GNE: variants seen among roughly 807,000 people sequenced by gnomAD.
GNE encodes the protein bifunctional UDP-N-acetylglucosamine 2-epimerase/N-acetylmannosamine kinase.
A neutral mutation model predicts 61.8 loss-of-function variants in GNE; 41 were observed. The ratio of observed to expected loss-of-function variants is 0.66; its 90% confidence interval spans 0.52 to 0.86. GNE has a LOEUF of 0.86. GNE is among the 40% of genes least tolerant of loss of function. GNE has a pLI of 0.00. For missense variants in GNE, 608 were observed against 909.1 expected, an observed-to-expected ratio of 0.67 and a Z score of 4.26; for synonymous variants, 264 against 326.4, an observed-to-expected ratio of 0.81 and a Z score of 2.06.
chr9:36,217,327 G>T lies in GNE; in HGVS notation c.*38C>A. Reference sequence around the variant, plus strand: ...AAGACAAGAACTTGATTCCACTCAGGAGCTCTGGAGAGAAGGTCCATGTCT... The same window carrying T: ...AAGACAAGAACTTGATTCCACTCAGTAGCTCTGGAGAGAAGGTCCATGTCT... On this transcript the variant is annotated 3_prime_UTR_variant, in exon 12 of 12. Coordinates refer to ENST00000642385, the MANE Select transcript of GNE (RefSeq NM_005476.7). The T allele has an allele frequency of 7.5e-7, 1 of 1,333,846 alleles. No individual in the cohort carries two copies. 82.6% of individuals were successfully genotyped at this position (1,333,846 alleles called of 1,614,324 possible).
Position 36,218,262 on chromosome 9 carries a change from T to A in GNE, c.1854A>T (p.Lys618Asn). 6.2e-7 allele frequency: 1 copy of A among 1,614,058 alleles called. No individual in the cohort carries two copies. Among genetic ancestry groups the A allele is most frequent in the Non-Finnish European group, 8.5e-7 (1 of 1,179,938 alleles). Residue 618 changes from lysine to asparagine, a missense_variant, in exon 11 of 12, where the codon AAA (lysine) becomes AAT (asparagine). Physicochemically the swap from Lys to Asn is moderately conservative, Grantham distance 94 (BLOSUM62 0). Transcript: ENST00000642385. This position sits in a 1 kb window ranked among gnomAD's most constrained non-coding sequence, Gnocchi z 4.1. ...LLLVEGMSVP[K>N]DEAVGALHLI... ...GATGGAGCGCACCCACAGCCTCATC[T>A]TTTGGCACTGACATCCCTTCCACCA... is the stretch of plus-strand genomic sequence containing the variant.
At chr9:36,221,021 C>CTAAA (rs1554658650) in intron 9 of GNE, among the ~76,000 whole-genome samples, 1 of 152,192 alleles carries the variant, frequency 6.6e-6, no homozygotes, top group Non-Finnish European at 1.5e-5. Flanking sequence ...TGAGCATGAG[C>CTAAA]TAAAGTACAT....
intron 10 of GNE, among the ~76,000 whole-genome samples, chr9:36,219,224 T>C (rs1828473878): frequency 6.6e-6 from 1 of 152,124 alleles, no homozygotes; most frequent in African/African-American, 2.4e-5. Flanking sequence ...CACCAGGCAG[T>C]GATCCCCTAC....
intron 1 of GNE, among the ~76,000 whole-genome samples, chr9:36,256,853 C>G (rs1032890075): frequency 6.6e-6 from 1 of 152,144 alleles, no homozygotes; most frequent in East Asian, 1.9e-4. Flanking sequence ...TCGTATTAGC[C>G]GCGTTTTACA....
chr9:36,267,580 T>C (rs1168742419), intron 1 of GNE, among the ~76,000 whole-genome samples: 7 of 151,894 alleles, frequency 4.6e-5, no homozygotes, highest in Non-Finnish European at 7.4e-5. Context: ...CCTGTAATCC[T>C]AGCTACTCGG....
chr9:36,265,092 C>G (rs778558546), intron 1 of GNE: 5 of 308,988 alleles, frequency 1.6e-5, no homozygotes, highest in Admixed American at 4.0e-5. Flanking sequence ...CTGCTGTGCT[C>G]CTGATCCAGC....
intron 9 of GNE, 124 bp downstream of exon 9, chr9:36,222,653 A>C: frequency 1.2e-6 from 1 of 801,062 alleles, no homozygotes; most frequent in Non-Finnish European, 2.3e-6. Flanking sequence ...CATGTGGCTC[A>C]CCTTCAGGCT....
intron 1 of GNE, among the ~76,000 whole-genome samples, chr9:36,249,625 T>A (rs1830036846): frequency 6.6e-6 from 1 of 152,052 alleles, no homozygotes; most frequent in African/African-American, 2.4e-5. Flanking sequence ...ACGCCTGTAA[T>A]CCCAGCACTT....
intron 7 of GNE, 28 bp downstream of exon 7, chr9:36,227,220 A>C: frequency 6.9e-7 from 1 of 1,453,750 alleles, no homozygotes; most frequent in Non-Finnish European, 9.7e-7. Flanking sequence ...TATGGGATAT[A>C]AAGTTAGGAG....
In GNE at chr9:36,218,176, T is replaced by A. The variant is rs368100600; in HGVS notation, c.1933+7A>T. 2 of 1,596,694 alleles carry A rather than the reference T, an allele frequency of 1.3e-6. No individual in the cohort carries two copies. Among genetic ancestry groups the A allele is most frequent in the Non-Finnish European group, 1.7e-6 (2 of 1,164,206 alleles). ...TGCAGCACAGCCACCTGCAGCCACA[T>A]GCTCACCTGTTCTTAGGATGCTCTG... On this transcript the variant is annotated splice_region_variant and intron_variant, in intron 11 of 11. Coordinates refer to ENST00000642385, the MANE Select transcript of GNE (RefSeq NM_005476.7). This position sits in a 1 kb window ranked among gnomAD's most constrained non-coding sequence, Gnocchi z 4.1.
Position 36,236,920 on chromosome 9 carries a change from C to CT in GNE, c.680dup (p.His228AlafsTer7), listed in dbSNP as rs1554661552. On this transcript the variant is annotated frameshift_variant, in exon 4 of 12. Coordinates refer to ENST00000642385, the MANE Select transcript of GNE (RefSeq NM_005476.7). LOFTEE classifies it high-confidence loss of function. ...TTAATTCAAACATTTTTATGGAATGCTTAATGTCAGTGGTCACAGGGTGCT... is the reference window on the plus strand; with the variant it reads ...TTAATTCAAACATTTTTATGGAATGCTTTAATGTCAGTGGTCACAGGGTGCT... 4.3e-6 allele frequency: 7 copies of CT among 1,611,072 alleles called. No individual in the cohort carries two copies. The highest frequency in any genetic ancestry group is 5.9e-6 in the Non-Finnish European group (7 of 1,177,272).
At chr9:36,273,899 T>A (rs1032107586) in intron 1 of GNE, among the ~76,000 whole-genome samples, 12 of 151,992 alleles carry the variant, frequency 7.9e-5, no homozygotes, top group Non-Finnish European at 1.3e-4. Flanking sequence ...CCCCCCAAAG[T>A]GCTGGGATTA....
rs969628585 is a variant in GNE, at chr9:36,240,904, G to A, written c.617-3920C>T. On this transcript the variant is annotated intron_variant, in intron 3 of 11. Transcript: ENST00000642385. ...TAGGGTTGTATTTTTCCAGGAATTT[G>A]TCCATCTCTTCTAGGTTTTCTAGTT... is the stretch of plus-strand genomic sequence containing the variant. 5.3e-5 allele frequency among the ~76,000 whole-genome samples: 8 copies of A among 152,078 alleles called. No individual in the cohort carries two copies. In the East Asian group the frequency reaches 9.7e-4, roughly 18 times the overall value.
At chr9:36,275,325 TAA>T (rs1831221365) in intron 1 of GNE, among the ~76,000 whole-genome samples, 1 of 152,178 alleles carries the variant, frequency 6.6e-6, no homozygotes, top group South Asian at 2.1e-4. Context: ...TTTTACATTT[TAA>T]AAGAGTATTT....
chr9:36,218,196 G>T lies in GNE; in HGVS notation c.1920C>A (p.Ser640Arg), dbSNP rs1247566464. The change falls in exon 11 of 12, where the codon AGC becomes AGA. Residue 640 changes from serine (S) to arginine (R), a missense_variant. Physicochemically the swap from Ser to Arg is moderately radical, Grantham distance 110. Transcript: ENST00000642385. The surrounding 1 kb of genome is among the most constrained non-coding windows in gnomAD (Gnocchi z 4.1). ...CCACATGCTCACCTGTTCTTAGGAT[G>T]CTCTGGGCCTTCGCATTGCCAAGTT... ...AAKLGNAKAQ[S>R]ILRTAGTALG... 1 of 1,611,806 alleles carries T rather than the reference G, an allele frequency of 6.2e-7. No individual in the cohort carries two copies. Among genetic ancestry groups the T allele is most frequent in the Admixed American group, 1.7e-5 (1 of 59,996 alleles).
chr9:36,227,591 C>G, intron 6 of GNE, 133 bp from the exon 7 acceptor site: 1 of 698,710 alleles, frequency 1.4e-6, no homozygotes, highest in Non-Finnish European at 2.5e-6. Flanking sequence ...TGACATCTTC[C>G]TGCCGTGCAC....
At chr9:36,234,165 G>GTTC in intron 4 of GNE, 33 bp from the exon 5 acceptor site, 2 of 1,535,072 alleles carry the variant, frequency 1.3e-6, no homozygotes, top group Non-Finnish European at 1.8e-6. Flanking sequence ...TTGGTAAATG[G>GTTC]TTTGTGAGAT....
rs1554661823 is a variant in GNE at position 36,238,145 on chromosome 9, C to CACAT, written c.617-1162_617-1161insATGT. Among the ~76,000 whole-genome samples the CACAT allele has an allele frequency of 2.4e-3, 360 of 149,356 alleles. 1 individual carries two copies. Among genetic ancestry groups the CACAT allele is most frequent in the Middle Eastern group, 0.01 (3 of 286 alleles). ...AGATACACACACACACACACACACA[C>CACAT]ATATATATACACACCACCGTTTCTT... is the stretch of plus-strand genomic sequence containing the variant. On this transcript the variant is annotated intron_variant, in intron 3 of 11. Coordinates refer to ENST00000642385, the MANE Select transcript of GNE (RefSeq NM_005476.7).
At chr9:36,262,487 A>G (rs1830644471), upstream of GNE, among the ~76,000 whole-genome samples, 1 of 152,120 alleles carries the variant, frequency 6.6e-6, no homozygotes. Flanking sequence ...ACTGTTTAAC[A>G]TTGTGAATTG....
Sources: allele counts gnomAD v4.1 joint callset (sites outside exome capture counted in the v4.1 genomes callset), GRCh38; gene constraint gnomAD v4.1.1; non-coding constraint Gnocchi (gnomAD v3.1); transcripts MANE v1.5; gene names NCBI Gene and HGNC (gene_info 2026-07-23, HGNC 2026-07-21).